ARID1B: variants seen among roughly 807,000 people sequenced by gnomAD.
ARID1B encodes the protein AT-rich interaction domain 1B.
ARID1B carries 30 observed loss-of-function variants against 212.3 expected under a neutral mutation model. The ratio of observed to expected loss-of-function variants is 0.14; its 90% confidence interval spans 0.11 to 0.19. The LOEUF (loss-of-function observed/expected upper bound fraction) is 0.19, where lower values mean the gene tolerates loss of function less well. Among genes scored for constraint, ARID1B ranks in the 10% least tolerant of loss-of-function variants. ARID1B has a pLI of 1.00. For missense variants in ARID1B, 2,891 were observed against 3,204.0 expected (o/e 0.90, Z 2.36); for synonymous variants, 1,402 against 1,301.7 (o/e 1.08, Z -1.66).
At chr6:156,856,694 TCTCTCTCACACACACACACA>T (rs1455371581) in intron 2 of ARID1B, among the ~76,000 whole-genome samples, 22 of 83,304 alleles carry the variant, frequency 2.6e-4, no homozygotes, top group African/African-American at 1.0e-3. Flanking sequence ...TCTCTCTCTC[TCTCTCTCACACACACACACA>T]CACACACACA....
intron 10 of ARID1B, 105 bp from the exon 11 acceptor site, chr6:157,174,740 AAT>A (rs1037314211): frequency 4.0e-5 from 12 of 297,254 alleles, no homozygotes; most frequent in Non-Finnish European, 7.0e-5. Flanking sequence ...ATATATATAT[AAT>A]ATATATAAAA....
At chr6:156,934,915 TATATATATATATATATATA>T (rs1792047338) in intron 3 of ARID1B, among the ~76,000 whole-genome samples, 30 of 39,012 alleles carry the variant, frequency 7.7e-4, no homozygotes, top group African/African-American at 2.4e-3. Context: ...TTGTTAATTA[TATATATATATATATATATA>T]TATATATATA....
At chr6:156,896,943 C>T (rs1323723264) in intron 2 of ARID1B, among the ~76,000 whole-genome samples, 1 of 152,142 alleles carries the variant, frequency 6.6e-6, no homozygotes, top group Admixed American at 6.5e-5. Context: ...GATCATTTCA[C>T]TCATTTTGGA....
intron 6 of ARID1B, among the ~76,000 whole-genome samples, chr6:157,121,236 G>A (rs1299432255): frequency 6.6e-6 from 1 of 152,124 alleles, no homozygotes; most frequent in African/African-American, 2.4e-5. Flanking sequence ...TTCATTGGAT[G>A]GTACTTTAAC....
chr6:157,038,690 ATT>A (rs1169017294), intron 4 of ARID1B, among the ~76,000 whole-genome samples: 1 of 152,106 alleles, frequency 6.6e-6, no homozygotes, highest in East Asian at 1.9e-4. Flanking sequence ...TTCATTTTTT[ATT>A]TAATGCCCAG....
chr6:156,798,281 C>A (rs1375874515), intron 1 of ARID1B, among the ~76,000 whole-genome samples: 3 of 152,150 alleles, frequency 2.0e-5, no homozygotes, highest in Non-Finnish European at 4.4e-5. Flanking sequence ...TGGAGCTGCT[C>A]AGGGGAAGGC....
chr6:157,168,651 G>A (rs1791499963), intron 9 of ARID1B: 1 of 152,214 alleles, frequency 6.6e-6, no homozygotes, highest in African/African-American at 2.4e-5. Flanking sequence ...ACAACAAGCA[G>A]ATGGCCCAGT....
intron 1 of ARID1B, among the ~76,000 whole-genome samples, chr6:156,822,251 C>A (rs1193355122): frequency 6.6e-6 from 1 of 152,202 alleles, no homozygotes; most frequent in Non-Finnish European, 1.5e-5. Context: ...TGTGTTGATA[C>A]CCACATTCGA....
At chr6:156,829,561 C>A in intron 2 of ARID1B, 140 bp downstream of exon 2, 1 of 1,003,698 alleles carries the variant, frequency 1.0e-6, no homozygotes, top group Non-Finnish European at 1.4e-6. Flanking sequence ...TTTCTTTAAT[C>A]ACAGGTATAA....
At chr6:156,804,232 G>A (rs1362212931) in intron 1 of ARID1B, among the ~76,000 whole-genome samples, 3 of 151,920 alleles carry the variant, frequency 2.0e-5, no homozygotes, top group Non-Finnish European at 4.4e-5. Flanking sequence ...AGCTTCTTGG[G>A]AGGATGAGGC....
intron 4 of ARID1B, among the ~76,000 whole-genome samples, chr6:156,990,399 T>A (rs1204763336): frequency 3.3e-5 from 5 of 152,030 alleles, no homozygotes; most frequent in African/African-American, 1.2e-4. Context: ...TCCCAGCACT[T>A]TGGGAGGCCA....
At chr6:157,129,711 A>C (rs1193454203) in intron 6 of ARID1B, among the ~76,000 whole-genome samples, 1 of 152,176 alleles carries the variant, frequency 6.6e-6, no homozygotes, top group Non-Finnish European at 1.5e-5. Flanking sequence ...TTTTATGTGA[A>C]ATGCCAGTGA....
intron 4 of ARID1B, chr6:157,036,898 A>G: frequency 2.0e-6 from 1 of 495,588 alleles, no homozygotes; most frequent in South Asian, 1.5e-5. Context: ...GGTGTAGTTC[A>G]TTGTGGAGGT....
At chr6:156,856,698 TCTCACA>T (rs1302787701) in intron 2 of ARID1B, among the ~76,000 whole-genome samples, 1,324 of 85,516 alleles carry the variant, frequency 0.015, 13 homozygotes, top group African/African-American at 0.051. Context: ...TCTCTCTCTC[TCTCACA>T]CACACACACA....
chr6:157,127,365 G>A (rs1345395251), intron 6 of ARID1B, among the ~76,000 whole-genome samples: 4 of 152,180 alleles, frequency 2.6e-5, no homozygotes, highest in African/African-American at 9.6e-5. Flanking sequence ...CTATAATAGT[G>A]ACAAGAACTG....
chr6:157,112,533 CA>C (rs1026980735), intron 6 of ARID1B, among the ~76,000 whole-genome samples: 5 of 152,178 alleles, frequency 3.3e-5, no homozygotes, highest in Non-Finnish European at 7.4e-5. Flanking sequence ...TTTATTTTAA[CA>C]AGTGTTAAAG....
chr6:156,949,478 T>C (rs1793418628), intron 4 of ARID1B, among the ~76,000 whole-genome samples: 1 of 152,186 alleles, frequency 6.6e-6, no homozygotes, highest in Admixed American at 6.5e-5. Flanking sequence ...CCCTCCTCCT[T>C]TTGTGAAATG....
intron 4 of ARID1B, among the ~76,000 whole-genome samples, chr6:157,006,930 G>A (rs1217921187): frequency 6.6e-6 from 1 of 152,232 alleles, no homozygotes; most frequent in Non-Finnish European, 1.5e-5. Flanking sequence ...AAAAAATGCT[G>A]TGTATTCTAG....
intron 6 of ARID1B, among the ~76,000 whole-genome samples, chr6:157,122,330 C>T (rs1203418006): frequency 1.3e-5 from 2 of 152,198 alleles, no homozygotes; most frequent in Non-Finnish European, 2.9e-5. Flanking sequence ...GCTAATATTA[C>T]TATTCACAAG....
Sources: gnomAD v4.1 joint callset for allele counts (sites outside exome capture counted in the v4.1 genomes callset) on GRCh38, gnomAD v4.1.1 for gene constraint, MANE v1.5 for transcripts, NCBI Gene and HGNC (gene_info 2026-07-23, HGNC 2026-07-21) for gene names.